Variants in MGST1 observed in about 807,000 individuals in gnomAD.
MGST1 encodes the protein glutathione S-transferase 12.
Under a neutral mutation model 8.9 loss-of-function variants are expected in MGST1, and 5 were observed. The observed-to-expected ratio is 0.56, with a 90% confidence interval of 0.29 to 1.19. The LOEUF (loss-of-function observed/expected upper bound fraction) is 1.19, where lower values mean the gene tolerates loss of function less well. Among genes scored for constraint, MGST1 ranks in the 50% most tolerant of loss-of-function variants. The pLI, the probability that MGST1 is intolerant of heterozygous loss-of-function variation, is 0.08. For synonymous variants in MGST1, 54 were observed against 67.8 expected, an observed-to-expected ratio of 0.80 and a Z score of 1.00; for missense variants, 182 against 187.4, an observed-to-expected ratio of 0.97 and a Z score of 0.17.
At chr12:16,425,094 A>G (rs1940874254) in intron 1 of MGST1, among the ~76,000 whole-genome samples, 1 of 152,214 alleles carries the variant, frequency 6.6e-6, no homozygotes, top group Non-Finnish European at 1.5e-5. Flanking sequence ...ATTCAGGTAC[A>G]TGGAACCCAG....
chr12:16,409,569 G>T (rs763983767), intron 1 of MGST1, among the ~76,000 whole-genome samples: 1 of 152,094 alleles, frequency 6.6e-6, no homozygotes, highest in Non-Finnish European at 1.5e-5. Context: ...TCCTCTCTGG[G>T]GAAGAGAGGG....
At chr12:16,472,522 G>A (rs566337304) in intron 4 of MGST1, among the ~76,000 whole-genome samples, 1 of 151,630 alleles carries the variant, frequency 6.6e-6, no homozygotes, top group African/African-American at 2.4e-5. Context: ...TCAGTTTTGA[G>A]CTGAAAAATG....
In MGST1 at chr12:16,364,023, A is replaced by G. The variant is rs1169173162; in HGVS notation, c.450A>G (p.Lys150=). The G allele has an allele frequency of 1.2e-6, 2 of 1,609,540 alleles. No homozygotes were observed. Among genetic ancestry groups the G allele is most frequent in the Admixed American group, 3.4e-5 (2 of 59,612 alleles). The change falls in exon 4 of 4, where the codon AAA becomes AAG. Residue 150 remains lysine (K), a synonymous_variant. Transcript: ENST00000396210. The surrounding 1 kb of genome is among the most constrained non-coding windows in gnomAD (Gnocchi z 5.7). ...TTTCCATGGCTTACAGGTTGCTGAA[A>G]AGTAAATTGTACCTGTAAAGAAAAT... The part of the protein sequence containing the change: ...VTLSMAYRLL[K]SKLYL
chr12:16,396,742 C>T (rs1039059607), intron 1 of MGST1, among the ~76,000 whole-genome samples: 7 of 151,978 alleles, frequency 4.6e-5, no homozygotes, highest in Admixed American at 1.3e-4. Context: ...AACTGAAAGA[C>T]CTCTCCAAGG....
intron 1 of MGST1, among the ~76,000 whole-genome samples, chr12:16,434,015 C>A (rs539289963): frequency 2.6e-5 from 4 of 152,218 alleles, no homozygotes; most frequent in Admixed American, 6.6e-5. Context: ...ACAAAACTAA[C>A]TTCTATTGTG....
intron 4 of MGST1, among the ~76,000 whole-genome samples, chr12:16,481,538 A>G (rs913854286): frequency 1.9e-4 from 29 of 152,216 alleles, no homozygotes; most frequent in Non-Finnish European, 2.9e-5. Context: ...AAATAATAAG[A>G]TGAACCAGTA....
exon 4 of MGST1, chr12:16,376,572 G>C (rs950894638): frequency 7.2e-5 from 11 of 152,386 alleles, no homozygotes; most frequent in African/African-American, 2.7e-4. Context: ...CAGAGACATA[G>C]AGAGAACCTA....
intron 4 of MGST1, among the ~76,000 whole-genome samples, chr12:16,518,989 A>G (rs546515737): frequency 2.8e-4 from 43 of 152,314 alleles, no homozygotes; most frequent in African/African-American, 1.0e-3. Context: ...ATGTAATTCA[A>G]AGTAAACTTT....
At chr12:16,480,235 T>A (rs2137143949) in intron 4 of MGST1, among the ~76,000 whole-genome samples, 1 of 149,248 alleles carries the variant, frequency 6.7e-6, no homozygotes, top group Middle Eastern at 3.4e-3. Flanking sequence ...CTCCACCTCC[T>A]GGGTTCAAGC....
At chr12:16,415,595 TAAC>T (rs1169414449) in intron 1 of MGST1, among the ~76,000 whole-genome samples, 8 of 152,224 alleles carry the variant, frequency 5.3e-5, no homozygotes, top group Non-Finnish European at 7.3e-5. Context: ...AATTTATTAA[TAAC>T]ATTTTCTTTT....
intron 4 of MGST1, among the ~76,000 whole-genome samples, chr12:16,469,445 T>C (rs1941278580): frequency 6.6e-6 from 1 of 152,206 alleles, no homozygotes; most frequent in Admixed American, 6.5e-5. Flanking sequence ...TGCCTTGGCC[T>C]CCCAAGGTGT....
chr12:16,528,268 A>G (rs1427372473), intron 4 of MGST1, among the ~76,000 whole-genome samples: 1 of 152,004 alleles, frequency 6.6e-6, no homozygotes, highest in East Asian at 1.9e-4. Flanking sequence ...AGTGAAACAC[A>G]CAGATATCAT....
chr12:16,569,787 A>G (rs1942748523), intron 4 of MGST1, among the ~76,000 whole-genome samples: 3 of 152,216 alleles, frequency 2.0e-5, no homozygotes, highest in African/African-American at 7.2e-5. Context: ...ATAGTTATGG[A>G]AAGAACTAGA....
intron 4 of MGST1, among the ~76,000 whole-genome samples, chr12:16,545,532 G>A (rs1017588373): frequency 1.3e-5 from 2 of 151,892 alleles, no homozygotes; most frequent in African/African-American, 2.4e-5. Context: ...AAGACAAATA[G>A]TATACTTGTT....
chr12:16,382,428 C>T (rs1336322145), upstream of MGST1, among the ~76,000 whole-genome samples: 1 of 152,176 alleles, frequency 6.6e-6, no homozygotes, highest in Non-Finnish European at 1.5e-5. Context: ...GCCTGGGTAT[C>T]AGCAGCAGTG....
intron 1 of MGST1, among the ~76,000 whole-genome samples, chr12:16,396,269 A>T (rs1029650251): frequency 2.6e-5 from 4 of 152,178 alleles, no homozygotes; most frequent in African/African-American, 4.8e-5. Context: ...CAAAATTGGC[A>T]TACAAGGAAC....
intron 4 of MGST1, among the ~76,000 whole-genome samples, chr12:16,566,547 A>T (rs1347183633): frequency 6.6e-6 from 1 of 152,164 alleles, no homozygotes; most frequent in African/African-American, 2.4e-5. Context: ...TAAGGTGCTA[A>T]TTAAAAAAAG....
At chr12:16,450,271 C>A (rs1042563583) in intron 4 of MGST1, among the ~76,000 whole-genome samples, 2 of 151,924 alleles carry the variant, frequency 1.3e-5, no homozygotes, top group Admixed American at 6.6e-5. Flanking sequence ...GTCACTTGGG[C>A]CTCCTTCTAC....
intron 3 of MGST1, among the ~76,000 whole-genome samples, chr12:16,360,605 C>T (rs954272638): frequency 1.3e-5 from 2 of 152,064 alleles, no homozygotes; most frequent in Admixed American, 6.5e-5. Flanking sequence ...ATACATTCAA[C>T]ACAAAAAGAT....
Sources: allele counts gnomAD v4.1 joint callset (sites outside exome capture counted in the v4.1 genomes callset), GRCh38; gene constraint gnomAD v4.1.1; non-coding constraint Gnocchi (gnomAD v3.1); transcripts MANE v1.5; gene names NCBI Gene and HGNC (gene_info 2026-07-23, HGNC 2026-07-21).